RELB: variants seen among roughly 807,000 people sequenced by gnomAD.
RELB encodes the protein transcription factor RelB.
A neutral mutation model predicts 55.4 loss-of-function variants in RELB; 14 were observed. That is an observed-to-expected ratio of 0.25 (90% confidence interval 0.17 to 0.40). The LOEUF (loss-of-function observed/expected upper bound fraction) is 0.40. Ranked by LOEUF, RELB falls within the 10% of genes least tolerant of loss-of-function variation. The pLI is 1.00. For synonymous variants in RELB, 409 were observed against 371.3 expected (o/e 1.10, Z -1.17); for missense variants, 669 against 830.7 (o/e 0.81, Z 2.39).
chr19:45,034,288 G>T lies in RELB; in HGVS notation c.1252G>T (p.Val418Phe), dbSNP rs551709862. The change falls in exon 10 of 12, where the codon GTC becomes TTC. Residue 418 changes from valine (V) to phenylalanine (F), a missense_variant. Transcript: ENST00000221452. ...DKKRKRGMPD[V>F]LGELNSSDPH... ...GAAGCGGAAACGGGGGATGCCCGAC[G>T]TCCTTGGGGAGCTGAACAGCTCTGG... The T allele has an allele frequency of 4.3e-6, 7 of 1,613,986 alleles. No homozygotes were observed. In the Admixed American group the frequency reaches 1.2e-4, roughly 27 times the overall value.
At chr19:45,006,887 G>A (rs751668777) in intron 2 of RELB, among the ~76,000 whole-genome samples, 4 of 151,342 alleles carry the variant, frequency 2.6e-5, no homozygotes, top group South Asian at 2.1e-4. Flanking sequence ...CCTGCGAGGC[G>A]GAGGTTGTGG....
intron 8 of RELB, among the ~76,000 whole-genome samples, chr19:45,029,543 T>C (rs1971596921): frequency 6.6e-6 from 1 of 151,454 alleles, no homozygotes; most frequent in African/African-American, 2.4e-5. Flanking sequence ...TGAAAACCCA[T>C]ATCTACTAAA....
chr19:45,009,628 G>C (rs1163404778), intron 2 of RELB, among the ~76,000 whole-genome samples, 186 bp from the exon 3 acceptor site: 1 of 152,174 alleles, frequency 6.6e-6, no homozygotes, highest in African/African-American at 2.4e-5. Context: ...AAGGATGGTA[G>C]CCCAGAGGAG....
chr19:45,010,427 C>T (rs779174897), intron 3 of RELB, among the ~76,000 whole-genome samples: 24 of 151,630 alleles, frequency 1.6e-4, no homozygotes, highest in Non-Finnish European at 3.2e-4. Flanking sequence ...TCCCTGCCCT[C>T]GCAGAGCTGA....
chr19:45,024,544 T>G (rs942535144), intron 5 of RELB, among the ~76,000 whole-genome samples: 5 of 151,918 alleles, frequency 3.3e-5, no homozygotes, highest in Admixed American at 3.3e-4. Context: ...CTCAAGAACC[T>G]TTGACATGCT....
chr19:45,025,284 T>A, intron 5 of RELB, 45 bp from the exon 6 acceptor site: 1 of 1,404,330 alleles, frequency 7.1e-7, no homozygotes, highest in Non-Finnish European at 9.9e-7. Context: ...GGGCCACACT[T>A]GCCTGCTCAC....
chr19:45,026,633 AG>A (rs1971561904), intron 7 of RELB, among the ~76,000 whole-genome samples: 1 of 152,148 alleles, frequency 6.6e-6, no homozygotes, highest in Non-Finnish European at 1.5e-5. Flanking sequence ...AGGCAGCCCA[AG>A]GGAAGAGGCA....
Position 45,008,546 on chromosome 19 carries a change from C to T in RELB, c.155-1268C>T, listed in dbSNP as rs984905552. On this transcript the variant is annotated intron_variant, in intron 2 of 11. Transcript: ENST00000221452. Reference sequence around the variant, plus strand: ...CCACTGACCTAGAGCGTGTCCCTTCCTCTCTGCCAGCCTCAGTATCCCCAT... The same window carrying T: ...CCACTGACCTAGAGCGTGTCCCTTCTTCTCTGCCAGCCTCAGTATCCCCAT... 19 of 456,116 alleles carry T rather than the reference C, an allele frequency of 4.2e-5. 1 individual carries two copies. Among genetic ancestry groups the T allele is most frequent in the South Asian group, 2.6e-4 (17 of 64,576 alleles). The allele number at this position is 456,116 out of a possible 1,614,324, so 28.3% of individuals were successfully genotyped here.
chr19:45,003,922 T>TG (rs1417114942), intron 2 of RELB, among the ~76,000 whole-genome samples: 10 of 122,652 alleles, frequency 8.2e-5, no homozygotes, highest in Non-Finnish European at 1.2e-4. Context: ...TGTGTTTTTT[T>TG]TTTTTTTTTT....
intron 4 of RELB, among the ~76,000 whole-genome samples, chr19:45,019,937 C>G (rs1971462882): frequency 1.3e-5 from 2 of 151,802 alleles, no homozygotes. Flanking sequence ...TCGGCCTCCT[C>G]AAACTCCCAA....
intron 2 of RELB, 66 bp downstream of exon 2, chr19:45,003,062 A>C: frequency 6.7e-7 from 1 of 1,486,058 alleles, no homozygotes; most frequent in African/African-American, 1.4e-5. Flanking sequence ...GACTCCACAG[A>C]GATGTCTCTG....
rs1318358901 is a variant in RELB, at chr19:45,012,123, A to G, written c.351A>G (p.Pro117=). 6.4e-7 allele frequency: 1 copy of G among 1,556,748 alleles called. No homozygotes were observed. Among genetic ancestry groups the G allele is most frequent in the Non-Finnish European group, 8.6e-7 (1 of 1,160,180 alleles). Residue 117 remains proline, a synonymous_variant, in exon 4 of 12, where the codon CCA becomes CCG. Transcript: ENST00000221452. ...WGCPLGRLVS[P]APGPGPQPHL... ...GCCCCCTGGGCCGACTAGTGTCCCC[A>G]GCGCCGGGCCCGGGCCCGCAGCCGC...
intron 11 of RELB, among the ~76,000 whole-genome samples, chr19:45,037,045 G>A (rs1351476282): frequency 1.3e-5 from 2 of 152,106 alleles, no homozygotes; most frequent in East Asian, 1.9e-4. Context: ...TTGGGAGGCC[G>A]AAGCAGGTGG....
At chr19:45,025,045 G>T (rs1971540750) in intron 5 of RELB, among the ~76,000 whole-genome samples, 1 of 152,000 alleles carries the variant, frequency 6.6e-6, no homozygotes, top group Non-Finnish European at 1.5e-5. Flanking sequence ...TTTTAGTAGA[G>T]ACAGGGTTTC....
Position 45,037,663 on chromosome 19 carries a change from C to T in RELB, c.1613C>T (p.Ser538Leu), listed in dbSNP as rs1160445894. The T allele has an allele frequency of 2.5e-6, 4 of 1,580,640 alleles. No individual in the cohort carries two copies. Among genetic ancestry groups the T allele is most frequent in the South Asian group, 1.1e-5 (1 of 88,488 alleles). ...TPGPEPLTLDSYQAPGPGDGG... is the reference protein window; with the variant it reads ...TPGPEPLTLDLYQAPGPGDGG... ...GGCCCTGAACCACTGACACTGGACT[C>T]GTACCAGGCCCCGGGCCCCGGGGAT... Residue 538 changes from serine to leucine, a missense_variant, in exon 12 of 12, where the codon TCG becomes TTG. Ser to Leu is a moderately radical substitution (Grantham distance 145). Coordinates refer to ENST00000221452, the MANE Select transcript of RELB (RefSeq NM_006509.4).
chr19:45,022,203 C>G lies in RELB; in HGVS notation c.655C>G (p.Arg219Gly). The G allele has an allele frequency of 6.3e-7, 1 of 1,599,098 alleles. No homozygotes were observed. Among genetic ancestry groups the G allele is most frequent in the Non-Finnish European group, 8.5e-7 (1 of 1,175,176 alleles). Residue 219 changes from arginine to glycine, a missense_variant, in exon 5 of 12, where the codon CGG becomes GGG. Physicochemically the swap from Arg to Gly is moderately radical, Grantham distance 125. Around this residue, in one of 3 missense-constraint regions of RELB, gnomAD observed 323 missense variants for 368.5 expected, o/e 0.88. Transcript: ENST00000221452. ...RVRLRPHVSP[R>G]HSFNNLGIQC... is the part of the protein sequence containing the mutation. The stretch of plus-strand genomic sequence containing the variant: ...GCGGCTCCGGCCTCACGTCAGCCCC[C>G]GGCACAGGTACCCACCCCCTGACCT...
At chr19:45,008,389 C>T in intron 2 of RELB, 1 of 455,998 alleles carries the variant, frequency 2.2e-6, no homozygotes, top group Non-Finnish European at 4.4e-6. Context: ...CCGCCCAGGA[C>T]TCAGTCTCCC....
chr19:45,006,899 G>A (rs1428683151), intron 2 of RELB, among the ~76,000 whole-genome samples: 2 of 150,298 alleles, frequency 1.3e-5, no homozygotes, highest in Non-Finnish European at 3.0e-5. Context: ...AGGTTGTGGT[G>A]AGCTGAGATT....
Position 45,037,524 on chromosome 19 carries a change from GACC to G in RELB, c.1475_1477del (p.Asp492_Pro493delinsAla). The G allele has an allele frequency of 6.2e-7, 1 of 1,613,304 alleles. No homozygotes were observed. The highest frequency in any genetic ancestry group is 8.5e-7 in the Non-Finnish European group (1 of 1,179,742). On this transcript the variant is annotated inframe_deletion, in exon 12 of 12. Coordinates refer to ENST00000221452, the MANE Select transcript of RELB (RefSeq NM_006509.4). The stretch of plus-strand genomic sequence containing the variant: ...CCTCCTGGACGATGGCTTTGCCTAC[GACC>G]CTACGGCCCCCACACTCTTCACCAT...
Sources: gnomAD v4.1 joint callset for allele counts (sites outside exome capture counted in the v4.1 genomes callset) on GRCh38, gnomAD v4.1.1 for gene constraint, gnomAD v4.1.1 regional missense constraint, MANE v1.5 for transcripts, NCBI Gene and HGNC (gene_info 2026-07-23, HGNC 2026-07-21) for gene names.